The following PRKN variants were observed in gnomAD, a reference collection of about 807,000 sequenced individuals.
PRKN encodes parkin RBR E3 ubiquitin protein ligase, also known as E3 ubiquitin-protein ligase parkin.
In PRKN, 56 loss-of-function variants were observed where a neutral mutation model predicts 59.5. The observed-to-expected ratio is 0.94, with a 90% CI of 0.76 to 1.18. PRKN has a LOEUF of 1.18. Ranked by LOEUF, PRKN falls within the 50% of genes most tolerant of loss-of-function variation. PRKN has a pLI of 0.00. For synonymous variants in PRKN, 250 were observed against 222.1 expected, an observed-to-expected ratio of 1.13 and a Z score of -1.12; for missense variants, 657 against 596.4, an observed-to-expected ratio of 1.10 and a Z score of -1.06.
At position 161,874,066 on chromosome 6, in the gene PRKN, A is replaced by T. The variant is rs868210880; in HGVS notation, c.735-88158T>A. Among the ~76,000 whole-genome samples the T allele has an allele frequency of 3.0e-3, 198 of 66,102 alleles. 16 individuals carry two copies. The highest frequency in any genetic ancestry group is 0.012 in the African/African-American group (182 of 15,272). The allele number at this position is 66,102 out of a possible 152,430, so 43.4% of individuals were successfully genotyped here. ...TATTATATGTAAAATATAATATATA[A>T]TATATATTATATGTAAAATATAATA... On this transcript the variant is annotated intron_variant, in intron 6 of 11. Coordinates refer to ENST00000366898, the MANE Select transcript of PRKN (RefSeq NM_004562.3).
Position 162,063,617 on chromosome 6 carries a change from T to C in PRKN, c.535-9443A>G, listed in dbSNP as rs1337866811. Among the ~76,000 whole-genome samples the C allele has an allele frequency of 1.6e-4, 9 of 57,084 alleles. No homozygotes were observed. In the East Asian group the frequency reaches 2.8e-3, roughly 18 times the overall value. The allele number at this position is 57,084 out of a possible 152,430, so 37.4% of individuals were successfully genotyped here. ...TGGAGTGCAGTGGTGCGATCTCCGCTCACTGCAAACTCTGCCTCCCAGGTT... is the reference window on the plus strand; with the variant it reads ...TGGAGTGCAGTGGTGCGATCTCCGCCCACTGCAAACTCTGCCTCCCAGGTT... On this transcript the variant is annotated intron_variant, in intron 4 of 11. Transcript: ENST00000366898.
chr6:161,553,671 T>C (rs1780124219), intron 8 of PRKN, among the ~76,000 whole-genome samples: 1 of 152,254 alleles, frequency 6.6e-6, no homozygotes, highest in Non-Finnish European at 1.5e-5. Context: ...CCAGTGGTAT[T>C]GTATGAATAG....
chr6:161,915,636 C>T (rs541669142), intron 6 of PRKN, among the ~76,000 whole-genome samples: 8 of 152,180 alleles, frequency 5.3e-5, no homozygotes, highest in Non-Finnish European at 1.0e-4. Context: ...ATTTTCATTA[C>T]CTACATCATG....
chr6:162,087,731 T>C (rs1056177411), intron 4 of PRKN, among the ~76,000 whole-genome samples: 16 of 151,170 alleles, frequency 1.1e-4, no homozygotes, highest in East Asian at 8.0e-4. Context: ...GTAGCTGGGA[T>C]TACAGGCACA....
At chr6:161,638,965 C>T (rs539185631) in intron 7 of PRKN, among the ~76,000 whole-genome samples, 63 of 152,182 alleles carry the variant, frequency 4.1e-4, no homozygotes, top group Middle Eastern at 6.8e-3. Flanking sequence ...TGGTCTCAAA[C>T]TCCTGACCTC....
In PRKN at chr6:161,733,800, A is replaced by ATATG. The variant is rs1554298514; in HGVS notation, c.871+51971_871+51972insCATA. ...AAAAAAAAAATATATATATATATGTATATATATATATATATATATATGTAT... is the reference window on the plus strand; with the variant it reads ...AAAAAAAAAATATATATATATATGTATATGTATATATATATATATATATATGTAT... On this transcript the variant is annotated intron_variant, in intron 7 of 11. Coordinates refer to ENST00000366898, the MANE Select transcript of PRKN (RefSeq NM_004562.3). Among the ~76,000 whole-genome samples, 143 of 39,898 alleles carry ATATG rather than the reference A, an allele frequency of 3.6e-3. 1 individual carries two copies. Among genetic ancestry groups the ATATG allele is most frequent in the African/African-American group, 0.011 (141 of 13,110 alleles). 26.2% of individuals were successfully genotyped at this position (39,898 alleles called of 152,430 possible). A position where few individuals can be genotyped will look rare whatever the true frequency, so the allele number is the denominator to read the frequency against.
chr6:161,926,473 G>A (rs553407244), intron 6 of PRKN, among the ~76,000 whole-genome samples: 1 of 152,284 alleles, frequency 6.6e-6, no homozygotes, highest in Non-Finnish European at 1.5e-5. Context: ...CAGCCCTGGA[G>A]CACTTTGTAA....
chr6:162,636,706 T>C (rs1777726552), intron 1 of PRKN, among the ~76,000 whole-genome samples: 1 of 152,174 alleles, frequency 6.6e-6, no homozygotes, highest in African/African-American at 2.4e-5. Flanking sequence ...GCAAAACAAC[T>C]GGGCATGGTG....
chr6:161,537,551 A>G (rs538767596), intron 9 of PRKN, among the ~76,000 whole-genome samples: 1 of 150,828 alleles, frequency 6.6e-6, no homozygotes, highest in African/African-American at 2.4e-5. Context: ...TCCCAGGTTC[A>G]CACCATTCTC....
chr6:162,093,379 G>C (rs2128296854), intron 4 of PRKN, among the ~76,000 whole-genome samples: 1 of 152,298 alleles, frequency 6.6e-6, no homozygotes, highest in Admixed American at 6.5e-5. Context: ...AGAGGCGGCA[G>C]TTCCTGCACT....
In PRKN at chr6:162,677,209, G is replaced by A. The variant is rs79462333; in HGVS notation, c.7+50453C>T. On this transcript the variant is annotated intron_variant, in intron 1 of 11. Transcript: ENST00000366898. ...GCAGAATGAGTAGCAGCCACATGAA[G>A]GCATCAAGGTAAGCAGCATCACCAA... Among the ~76,000 whole-genome samples the A allele has an allele frequency of 6.2e-3, 939 of 151,864 alleles. 14 individuals are homozygous for A. The highest frequency in any genetic ancestry group is 0.022 in the African/African-American group (912 of 41,430).
chr6:162,586,116 A>G (rs536881373), intron 1 of PRKN, among the ~76,000 whole-genome samples: 1 of 152,286 alleles, frequency 6.6e-6, no homozygotes, highest in East Asian at 1.9e-4. Context: ...AAGGCACCCA[A>G]TAGAGGAGCC....
intron 4 of PRKN, among the ~76,000 whole-genome samples, chr6:162,144,033 T>C (rs1781898839): frequency 6.6e-6 from 1 of 152,184 alleles, no homozygotes; most frequent in African/African-American, 2.4e-5. Context: ...AATCTACATA[T>C]TCTTCTCCAT....
At chr6:161,639,612 T>C (rs1783663412) in intron 7 of PRKN, among the ~76,000 whole-genome samples, 1 of 152,134 alleles carries the variant, frequency 6.6e-6, no homozygotes, top group Non-Finnish European at 1.5e-5. Context: ...ATATGTTTGC[T>C]AGAGACAGCC....
At position 161,378,756 on chromosome 6, in the gene PRKN, G is replaced by A. The variant is rs944659036; in HGVS notation, c.1167+8038C>T. 6.6e-6 allele frequency among the ~76,000 whole-genome samples: 1 copy of A among 152,172 alleles called. No individual in the cohort carries two copies. Among genetic ancestry groups the A allele is most frequent in the Non-Finnish European group, 1.5e-5 (1 of 68,034 alleles). ...CCGCTGGAGCTGCACTGTGATGTGGGCGCTATCCTCTAAGGTGAGATTTAC... is the reference window on the plus strand; with the variant it reads ...CCGCTGGAGCTGCACTGTGATGTGGACGCTATCCTCTAAGGTGAGATTTAC... On this transcript the variant is annotated intron_variant, in intron 10 of 11. Transcript: ENST00000366898. This position sits in a 1 kb window ranked among gnomAD's most constrained non-coding sequence, Gnocchi z 7.3.
At chr6:161,894,896 G>C (rs1777554794) in intron 6 of PRKN, among the ~76,000 whole-genome samples, 1 of 152,206 alleles carries the variant, frequency 6.6e-6, no homozygotes, top group South Asian at 2.1e-4. Flanking sequence ...CTGTTCTAAA[G>C]TCTAATTATG....
At chr6:161,568,243 T>A (rs777524792) in intron 8 of PRKN, among the ~76,000 whole-genome samples, 45 of 152,168 alleles carry the variant, frequency 3.0e-4, no homozygotes, top group Non-Finnish European at 5.6e-4. Flanking sequence ...AGCTGCCACA[T>A]CTCCATTTGC....
chr6:162,296,237 C>T (rs1164805190), intron 2 of PRKN, among the ~76,000 whole-genome samples: 2 of 146,170 alleles, frequency 1.4e-5, no homozygotes, highest in African/African-American at 2.5e-5. Flanking sequence ...CTATGCCCCC[C>T]ACCCCCTTCT....
chr6:161,598,521 C>T (rs1781997474), intron 7 of PRKN, among the ~76,000 whole-genome samples: 1 of 152,154 alleles, frequency 6.6e-6, no homozygotes, highest in Non-Finnish European at 1.5e-5. Flanking sequence ...TTTTAATTTG[C>T]CTTCTTAGCA....
Sources: allele counts gnomAD v4.1 joint callset (sites outside exome capture counted in the v4.1 genomes callset), GRCh38; gene constraint gnomAD v4.1.1; non-coding constraint Gnocchi (gnomAD v3.1); transcripts MANE v1.5; gene names NCBI Gene and HGNC (gene_info 2026-07-23, HGNC 2026-07-21).